Variants in PTPN13 observed in about 807,000 individuals in gnomAD.
PTPN13 encodes protein tyrosine phosphatase non-receptor type 13, also known as tyrosine-protein phosphatase non-receptor type 13.
Under a neutral mutation model 284.0 loss-of-function variants are expected in PTPN13, and 191 were observed. The ratio of observed to expected loss-of-function variants is 0.67; its 90% CI spans 0.60 to 0.76. PTPN13 has a LOEUF of 0.76. Among genes scored for constraint, PTPN13 ranks in the 30% least tolerant of loss-of-function variants. The probability of loss-of-function intolerance (pLI) is 0.00; values close to 1 mark genes in which losing one functional copy is unlikely to be tolerated. For synonymous variants in PTPN13, 986 were observed against 1,022.3 expected, an observed-to-expected ratio of 0.96 and a Z score of 0.68; for missense variants, 2,797 against 2,939.9, an observed-to-expected ratio of 0.95 and a Z score of 1.12.
At chr4:86,783,224 A>G (rs1042119727) in intron 37 of PTPN13, among the ~76,000 whole-genome samples, 1 of 152,174 alleles carries the variant, frequency 6.6e-6, no homozygotes, top group Non-Finnish European at 1.5e-5. Context: ...TTACAGCAGA[A>G]CATTTTAAGG....
At chr4:86,600,288 C>A (rs12510393) in intron 1 of PTPN13, among the ~76,000 whole-genome samples, 1,580 of 152,106 alleles carry the variant, frequency 0.01, 9 homozygotes, top group Non-Finnish European at 0.013. Context: ...TCATCCTATA[C>A]CCCCTCCTTA....
intron 1 of PTPN13, among the ~76,000 whole-genome samples, chr4:86,607,302 C>T (rs1362641825): frequency 2.0e-5 from 3 of 151,690 alleles, no homozygotes; most frequent in South Asian, 4.1e-4. Context: ...GATTCTATGC[C>T]ATTATAATCT....
rs1404541506 is a variant in PTPN13 at position 86,722,493 on chromosome 4, C to G, written c.1608+59C>G. 3.0e-5 allele frequency: 43 copies of G among 1,429,552 alleles called. No homozygotes were observed. In the East Asian group the frequency reaches 9.4e-4, roughly 31 times the overall value. 88.6% of individuals were successfully genotyped at this position (1,429,552 alleles called of 1,614,324 possible). ...CCTGCTCTCACAGGGAACTCTTGGG[C>G]AAAGTACTTTTAAAAATTGCTACAG... On this transcript the variant is annotated intron_variant, in intron 10 of 47. Coordinates refer to ENST00000411767, the MANE Select transcript of PTPN13 (RefSeq NM_080683.3).
intron 2 of PTPN13, among the ~76,000 whole-genome samples, chr4:86,662,075 A>G (rs1314028457): frequency 6.6e-6 from 1 of 152,204 alleles, no homozygotes; most frequent in Non-Finnish European, 1.5e-5. Flanking sequence ...TCTCTGTTGT[A>G]GTTTATTTTG....
intron 38 of PTPN13, 107 bp from the exon 39 acceptor site, chr4:86,785,124 G>C: frequency 3.9e-6 from 3 of 778,702 alleles, no homozygotes; most frequent in Middle Eastern, 3.9e-4. Context: ...TTTTAAAATT[G>C]GTTGCTTAAA....
intron 1 of PTPN13, among the ~76,000 whole-genome samples, chr4:86,626,112 T>C (rs1721804000): frequency 6.6e-6 from 1 of 152,098 alleles, no homozygotes; most frequent in African/African-American, 2.4e-5. Flanking sequence ...AAATTAGAGA[T>C]TTCCCCCCTG....
At chr4:86,679,576 T>G (rs139616893) in intron 3 of PTPN13, among the ~76,000 whole-genome samples, 19 of 152,340 alleles carry the variant, frequency 1.2e-4, no homozygotes, top group African/African-American at 4.3e-4. Flanking sequence ...ATGCATAACA[T>G]AGTTTGAGAA....
At position 86,798,002 on chromosome 4, in the gene PTPN13, C is replaced by T. The variant is rs541939972; in HGVS notation, c.6401+1073C>T. 1.2e-4 allele frequency among the ~76,000 whole-genome samples: 19 copies of T among 152,134 alleles called. No homozygotes were observed. The South Asian group carries it at 3.9e-3, about 32-fold the overall frequency. Reference sequence around the variant, plus strand: ...AGCACACTTTTGTAGGTGATGATACCAGCCATTTAGTTAATCCCCAAAAAA... The same window carrying T: ...AGCACACTTTTGTAGGTGATGATACTAGCCATTTAGTTAATCCCCAAAAAA... On this transcript the variant is annotated intron_variant, in intron 41 of 47. Coordinates refer to ENST00000411767, the MANE Select transcript of PTPN13 (RefSeq NM_080683.3).
intron 40 of PTPN13, 138 bp downstream of exon 40, chr4:86,786,074 A>C (rs1578668047): frequency 2.3e-6 from 1 of 430,678 alleles, no homozygotes; most frequent in East Asian, 3.5e-5. Flanking sequence ...GATTAATTTC[A>C]TGTGTTACAT....
At chr4:86,649,820 G>A (rs986071233) in intron 2 of PTPN13, among the ~76,000 whole-genome samples, 6 of 152,008 alleles carry the variant, frequency 3.9e-5, no homozygotes, top group Non-Finnish European at 8.8e-5. Context: ...TTAGACATGC[G>A]TCATGTCTAA....
chr4:86,621,334 G>A (rs1397208846), intron 1 of PTPN13, among the ~76,000 whole-genome samples: 9 of 152,106 alleles, frequency 5.9e-5, no homozygotes, highest in Non-Finnish European at 1.0e-4. Flanking sequence ...TTTTAATTAA[G>A]TTCAGTTCCA....
chr4:86,732,822 T>G, intron 12 of PTPN13, 56 bp downstream of exon 12: 1 of 1,460,102 alleles, frequency 6.8e-7, no homozygotes, highest in African/African-American at 1.4e-5. Flanking sequence ...ACAAGCAGAC[T>G]TCCTATGTTT....
At chr4:86,607,583 T>C (rs919509586) in intron 1 of PTPN13, among the ~76,000 whole-genome samples, 1 of 151,976 alleles carries the variant, frequency 6.6e-6, no homozygotes, top group Non-Finnish European at 1.5e-5. Flanking sequence ...GAGTACACAC[T>C]TGAATCCAAG....
Position 86,802,144 on chromosome 4 carries a change from TTA to T in PTPN13, c.6506-1564_6506-1563del, listed in dbSNP as rs1491246042. Among the ~76,000 whole-genome samples the T allele has an allele frequency of 1.8e-3, 256 of 140,916 alleles. 3 individuals are homozygous for T. Among genetic ancestry groups the T allele is most frequent in the East Asian group, 1.3e-3 (6 of 4,582 alleles). 92.4% of individuals were successfully genotyped at this position (140,916 alleles called of 152,430 possible). On this transcript the variant is annotated intron_variant, in intron 42 of 47. Coordinates refer to ENST00000411767, the MANE Select transcript of PTPN13 (RefSeq NM_080683.3). ...TTTCTGTATATATGAGATCAAGATT[TTA>T]GTGTGTGTGTGTGTGTGTGTGTGTG...
chr4:86,711,798 C>T (rs148987602), intron 7 of PTPN13, among the ~76,000 whole-genome samples: 26 of 152,258 alleles, frequency 1.7e-4, no homozygotes, highest in South Asian at 2.1e-4. Flanking sequence ...TTCAGTCTGA[C>T]ACCTGTAATG....
At chr4:86,770,242 A>G (rs2149271016) in intron 30 of PTPN13, 43 bp downstream of exon 30, 1 of 1,500,686 alleles carries the variant, frequency 6.7e-7, no homozygotes, top group Non-Finnish European at 9.2e-7. Context: ...TAGAATATCA[A>G]CTTAGCAACT....
chr4:86,730,308 G>A (rs891361178), intron 10 of PTPN13, among the ~76,000 whole-genome samples: 1 of 149,672 alleles, frequency 6.7e-6, no homozygotes, highest in East Asian at 1.9e-4. Flanking sequence ...GAGCTCAAAC[G>A]CCATGCTGGG....
intron 9 of PTPN13, among the ~76,000 whole-genome samples, chr4:86,718,236 AGTTT>A (rs941888448): frequency 6.6e-6 from 1 of 152,176 alleles, no homozygotes; most frequent in Non-Finnish European, 1.5e-5. Context: ...TCTGTATTTC[AGTTT>A]GTTTAATTCA....
intron 2 of PTPN13, among the ~76,000 whole-genome samples, chr4:86,651,463 T>G (rs1410251304): frequency 1.3e-5 from 2 of 152,020 alleles, no homozygotes; most frequent in Non-Finnish European, 2.9e-5. Context: ...GATGTTTTTT[T>G]GTCTGGTTTT....
Sources: allele counts gnomAD v4.1 joint callset (sites outside exome capture counted in the v4.1 genomes callset), GRCh38; gene constraint gnomAD v4.1.1; transcripts MANE v1.5; gene names NCBI Gene and HGNC (gene_info 2026-07-23, HGNC 2026-07-21).